The following ZDHHC16 variants were observed in gnomAD, a reference collection of about 807,000 sequenced individuals.
ZDHHC16 encodes the protein zDHHC palmitoyltransferase 16.
In ZDHHC16, 33 loss-of-function variants were observed where a neutral mutation model predicts 54.4. That is an observed-to-expected ratio of 0.61 (90% CI 0.46 to 0.81). ZDHHC16 has a LOEUF of 0.81. ZDHHC16 is among the 30% of genes least tolerant of loss of function. The probability of loss-of-function intolerance (pLI) is 0.00; values close to 1 mark genes in which losing one functional copy is unlikely to be tolerated. For missense variants in ZDHHC16, 420 were observed against 485.9 expected (o/e 0.86, Z 1.28); for synonymous variants, 185 against 182.1 (o/e 1.02, Z -0.13).
intron 1 of ZDHHC16, among the ~76,000 whole-genome samples, chr10:97,447,923 C>CAAA: frequency 8.6e-6 from 1 of 116,850 alleles, no homozygotes; most frequent in African/African-American, 3.2e-5. Flanking sequence ...AACTCCATCT[C>CAAA]AAAAAAAAAA....
intron 1 of ZDHHC16, among the ~76,000 whole-genome samples, chr10:97,447,923 CAAAA>C (rs1176349061): frequency 8.6e-6 from 1 of 116,836 alleles, no homozygotes. Flanking sequence ...AACTCCATCT[CAAAA>C]AAAAAAAAAA....
At chr10:97,452,057 G>A (rs376670850) in intron 3 of ZDHHC16, 33 bp from the exon 4 acceptor site, 4 of 1,613,078 alleles carry the variant, frequency 2.5e-6, no homozygotes, top group African/African-American at 1.3e-5. Flanking sequence ...TAGCTCTTGC[G>A]CCATGTCTCC....
In ZDHHC16 at chr10:97,452,127, T is replaced by C. The variant is rs750396440; in HGVS notation, c.281T>C (p.Ile94Thr). ...VVLVIVLTGSIVAIAYLCVLP... is the reference protein window; with the variant it reads ...VVLVIVLTGSTVAIAYLCVLP... ...CTGGTGATCGTGCTGACAGGCTCCA[T>C]TGTAGCTATCGCCTACCTGTGTGTC... is the stretch of plus-strand genomic sequence containing the variant. The change falls in exon 4 of 12, where the codon ATT becomes ACT. Residue 94 changes from isoleucine to threonine, a missense_variant. Ile to Thr is a moderately conservative substitution (Grantham distance 89). Transcript: ENST00000393760. 44 of 1,613,928 alleles carry C rather than the reference T, an allele frequency of 2.7e-5. No individual in the cohort carries two copies. The South Asian group carries it at 4.6e-4, about 17-fold the overall frequency.
intron 5 of ZDHHC16, 64 bp downstream of exon 5, chr10:97,452,567 C>A: frequency 6.5e-7 from 1 of 1,540,252 alleles, no homozygotes; most frequent in South Asian, 1.2e-5. Flanking sequence ...TAGGGCAAAA[C>A]CTAACCTTGA....
intron 8 of ZDHHC16, among the ~76,000 whole-genome samples, chr10:97,454,329 A>T (rs1846961308): frequency 6.6e-6 from 1 of 152,024 alleles, no homozygotes; most frequent in African/African-American, 2.4e-5. Context: ...CACAGTCCCT[A>T]GTGGTTTTCC....
In ZDHHC16 at chr10:97,453,828, A is replaced by G. The variant is rs377684699; in HGVS notation, c.720A>G (p.Leu240=). The change falls in exon 8 of 12, where the codon CTA becomes CTG. Residue 240 remains leucine, a synonymous_variant. Coordinates refer to ENST00000393760, the MANE Select transcript of ZDHHC16 (RefSeq NM_198046.3). ...EKMKQLDKNK[L]QAVANQTYHQ... ...TGAAACAGCTCGACAAGAACAAACT[A>G]CAGGCGGTTGCCAACCAGGTGGGCT... The G allele has an allele frequency of 5.6e-6, 9 of 1,614,088 alleles. No individual in the cohort carries two copies. The highest frequency in any genetic ancestry group is 1.1e-5 in the South Asian group (1 of 91,084).
In ZDHHC16 at chr10:97,455,991, C is replaced by A. The variant is rs1847143230; in HGVS notation, c.966C>A (p.Tyr322Ter). The A allele has an allele frequency of 1.2e-6, 2 of 1,614,122 alleles. No homozygotes were observed. Among genetic ancestry groups the A allele is most frequent in the Non-Finnish European group, 1.7e-6 (2 of 1,180,004 alleles). The change falls in exon 11 of 12, where the codon TAC (tyrosine) becomes TAA (stop). Residue 322 changes from tyrosine (Y) to a stop codon, truncating the protein, a stop_gained. Transcript: ENST00000393760. LOFTEE classifies it high-confidence loss of function. ...GGCTCCAGGTATTTAGGAATCCTTA[C>A]AACTACGGCTGCTTGGACAACTGGA... is the stretch of plus-strand genomic sequence containing the variant. ...QAKGRVFRNP[Y>*]NYGCLDNWKV...
intron 5 of ZDHHC16, 23 bp from the exon 6 acceptor site, chr10:97,452,870 CAG>C (rs1342430805): frequency 6.2e-7 from 1 of 1,614,234 alleles, no homozygotes; most frequent in Non-Finnish European, 8.5e-7. Context: ...GCCACCGTAA[CAG>C]AGCCTGTGTC....
rs915661024 is a variant in ZDHHC16, at chr10:97,452,029, C to A, written c.244-61C>A. On this transcript the variant is annotated intron_variant, in intron 3 of 11. Coordinates refer to ENST00000393760, the MANE Select transcript of ZDHHC16 (RefSeq NM_198046.3). ...GCCGGCCCCCACCCCCAGGGAAACTCCGAGTCTCCTTTGGGCATAGCTCTT... is the reference window on the plus strand; with the variant it reads ...GCCGGCCCCCACCCCCAGGGAAACTACGAGTCTCCTTTGGGCATAGCTCTT... 3.7e-5 allele frequency: 60 copies of A among 1,605,524 alleles called. No homozygotes were observed. In the Admixed American group the frequency reaches 1.0e-3, roughly 27 times the overall value.
rs1847106213 is a variant in ZDHHC16 at position 97,455,699 on chromosome 10, T to C, written c.864T>C (p.His288=). Residue 288 remains histidine, a synonymous_variant, in exon 10 of 12, where the codon CAT becomes CAC. Transcript: ENST00000393760. ...ALALGALTVW[H]AVLISRGETS... ...CCCTGGGTGCCCTAACTGTATGGCATGCTGTTCTCATCAGTCGAGGTGAGA... is the reference window on the plus strand; with the variant it reads ...CCCTGGGTGCCCTAACTGTATGGCACGCTGTTCTCATCAGTCGAGGTGAGA... 3.1e-6 allele frequency: 5 copies of C among 1,614,222 alleles called. No individual in the cohort carries two copies. The highest frequency in any genetic ancestry group is 4.2e-6 in the Non-Finnish European group (5 of 1,180,044).
At chr10:97,453,049 C>A in intron 6 of ZDHHC16, 126 bp downstream of exon 6, 2 of 1,245,792 alleles carry the variant, frequency 1.6e-6, no homozygotes, top group Non-Finnish European at 2.3e-6. Context: ...TGGGGCCTGA[C>A]CATCTCCTGG....
chr10:97,456,474 G>C (rs1430517067), intron 11 of ZDHHC16: 5 of 308,152 alleles, frequency 1.6e-5, no homozygotes, highest in Admixed American at 9.2e-5. Flanking sequence ...GGCAGTTACT[G>C]AGGCGGTAAC....
rs1024581761 is a variant in ZDHHC16 at position 97,457,238 on chromosome 10, A to G, written c.*347A>G. 1 of 167,250 alleles carries G rather than the reference A, an allele frequency of 6.0e-6. No homozygotes were observed. Among genetic ancestry groups the G allele is most frequent in the African/African-American group, 2.4e-5 (1 of 42,008 alleles). The allele number at this position is 167,250 out of a possible 1,614,324, so 10.4% of individuals were successfully genotyped here. A position where few individuals can be genotyped will look rare whatever the true frequency, so the allele number is the denominator to read the frequency against. On this transcript the variant is annotated 3_prime_UTR_variant, in exon 12 of 12. Transcript: ENST00000393760. ...ACCTCTTCTACTTGCTGTCTGAAAAAACACCTGACTAGTACAGCTGAGATC... is the reference window on the plus strand; with the variant it reads ...ACCTCTTCTACTTGCTGTCTGAAAAGACACCTGACTAGTACAGCTGAGATC...
chr10:97,455,974 G>C lies in ZDHHC16; in HGVS notation c.949G>C (p.Val317Leu), dbSNP rs760224122. 2 of 1,614,028 alleles carry C rather than the reference G, an allele frequency of 1.2e-6. No individual in the cohort carries two copies. The highest frequency in any genetic ancestry group is 2.2e-5 in the East Asian group (1 of 44,888). ...AGAAACATGTTTTTCTTGGCTCCAG[G>C]TATTTAGGAATCCTTACAACTACGG... is the stretch of plus-strand genomic sequence containing the variant. ...ERRRLQAKGR[V>L]FRNPYNYGCL... is the part of the protein sequence containing the mutation. Residue 317 changes from valine to leucine, a missense_variant and splice_region_variant, in exon 11 of 12, where the codon GTA becomes CTA. By Grantham distance (32) the Val-to-Leu change is conservative. Coordinates refer to ENST00000393760, the MANE Select transcript of ZDHHC16 (RefSeq NM_198046.3).
chr10:97,452,501 C>T lies in ZDHHC16; in HGVS notation c.525C>T (p.Asn175=). The T allele has an allele frequency of 6.2e-7, 1 of 1,613,912 alleles. No individual in the cohort carries two copies. Among genetic ancestry groups the T allele is most frequent in the African/African-American group, 1.3e-5 (1 of 75,052 alleles). The part of the protein sequence containing the change: ...PARTHHCSIC[N]RCVLKMDHHC... ...GAACACACCACTGCAGCATCTGCAA[C>T]AGGTGGGTCTTGGCTTTGCTCTCTG... is the stretch of plus-strand genomic sequence containing the variant. Residue 175 remains asparagine, a splice_region_variant and synonymous_variant, in exon 5 of 12, where the codon AAC becomes AAT. Coordinates refer to ENST00000393760, the MANE Select transcript of ZDHHC16 (RefSeq NM_198046.3).
chr10:97,451,376 T>C (rs929882270), intron 2 of ZDHHC16, among the ~76,000 whole-genome samples: 7 of 152,250 alleles, frequency 4.6e-5, no homozygotes, highest in African/African-American at 1.7e-4. Flanking sequence ...TCCTGTGGCC[T>C]GTTGCTTTAG....
intron 8 of ZDHHC16, 107 bp from the exon 9 acceptor site, chr10:97,454,607 C>A: frequency 9.5e-7 from 1 of 1,054,594 alleles, no homozygotes; most frequent in Non-Finnish European, 1.5e-6. Flanking sequence ...TGGCTTTACC[C>A]TGTTTTCTCT....
chr10:97,451,632 G>A (rs746153771), intron 2 of ZDHHC16, 39 bp from the exon 3 acceptor site: 2 of 1,572,332 alleles, frequency 1.3e-6, no homozygotes, highest in Non-Finnish European at 1.7e-6. Context: ...TAGGGAGGGA[G>A]GGCTCAGACT....
At chr10:97,448,936 C>G (rs1361271727) in intron 1 of ZDHHC16, among the ~76,000 whole-genome samples, 7 of 152,146 alleles carry the variant, frequency 4.6e-5, no homozygotes, top group Non-Finnish European at 1.0e-4. Context: ...GGACTGGAAC[C>G]AATCCCTCCG....
Sources: gnomAD v4.1 joint callset for allele counts (sites outside exome capture counted in the v4.1 genomes callset) on GRCh38, gnomAD v4.1.1 for gene constraint, MANE v1.5 for transcripts, NCBI Gene and HGNC (gene_info 2026-07-23, HGNC 2026-07-21) for gene names.